The following TAB2 variants were observed in gnomAD, a reference collection of about 807,000 sequenced individuals.
The protein encoded by TAB2 is TGF-beta-activated kinase 1 and MAP3K7-binding protein 2.
A neutral mutation model predicts 65.0 loss-of-function variants in TAB2; 3 were observed. The observed-to-expected ratio is 0.05, with a 90% CI of 0.02 to 0.12. TAB2 has a LOEUF of 0.12. TAB2 is among the 10% of genes least tolerant of loss of function. The pLI is 1.00. For missense variants in TAB2, 623 were observed against 840.3 expected (o/e 0.74, Z 3.20); for synonymous variants, 298 against 285.1 (o/e 1.05, Z -0.46).
At chr6:149,224,516 C>T (rs1777224906) in intron 1 of TAB2, among the ~76,000 whole-genome samples, 1 of 152,186 alleles carries the variant, frequency 6.6e-6, no homozygotes, top group Non-Finnish European at 1.5e-5. Context: ...TCCTGTTATG[C>T]TTTGGCTCCT....
At chr6:149,266,468 G>A (rs1264256747) in intron 1 of TAB2, among the ~76,000 whole-genome samples, 1 of 152,196 alleles carries the variant, frequency 6.6e-6, no homozygotes, top group Non-Finnish European at 1.5e-5. Flanking sequence ...TGCTCACTGA[G>A]GGGCCCTTGA....
intron 1 of TAB2, among the ~76,000 whole-genome samples, chr6:149,354,425 G>A (rs909235752): frequency 6.6e-6 from 1 of 152,128 alleles, no homozygotes. Context: ...ACACTTTGAA[G>A]CATCTTCATT....
intron 2 of TAB2, among the ~76,000 whole-genome samples, chr6:149,376,886 TCC>T (rs58277096): frequency 7.0e-6 from 1 of 143,134 alleles, no homozygotes; most frequent in African/African-American, 2.6e-5. Context: ...AATCTGAGGT[TCC>T]CCCCCCCCAC....
chr6:149,306,394 T>TA (rs1456768387), intron 1 of TAB2, among the ~76,000 whole-genome samples: 1 of 145,860 alleles, frequency 6.9e-6, no homozygotes, highest in Non-Finnish European at 1.5e-5. Flanking sequence ...ATAAAAAATA[T>TA]AAAAAATTAG....
chr6:149,236,092 G>C (rs1583037268), intron 1 of TAB2, among the ~76,000 whole-genome samples: 1 of 152,200 alleles, frequency 6.6e-6, no homozygotes, highest in African/African-American at 2.4e-5. Context: ...GGGTGGGAGG[G>C]TGAGAGGGAG....
At chr6:149,389,362 C>A (rs1477543045) in intron 3 of TAB2, among the ~76,000 whole-genome samples, 1 of 151,878 alleles carries the variant, frequency 6.6e-6, no homozygotes, top group Non-Finnish European at 1.5e-5. Flanking sequence ...AATTGTAAAT[C>A]TGGCCAGGCA....
chr6:149,326,152 T>G (rs1340057133), intron 1 of TAB2, among the ~76,000 whole-genome samples: 1 of 152,008 alleles, frequency 6.6e-6, no homozygotes, highest in Non-Finnish European at 1.5e-5. Context: ...AAATATTGGT[T>G]ATACAAATAG....
At chr6:149,237,973 C>A (rs1314912966) in intron 1 of TAB2, among the ~76,000 whole-genome samples, 1 of 152,226 alleles carries the variant, frequency 6.6e-6, no homozygotes, top group African/African-American at 2.4e-5. Context: ...GTGTGCACCC[C>A]ACACTCAGCG....
rs964370456 is a variant in TAB2, at chr6:149,383,409, A to G, written c.1603+3891A>G. Among the ~76,000 whole-genome samples the G allele has an allele frequency of 5.3e-5, 8 of 152,262 alleles. No homozygotes were observed. In the South Asian group the frequency reaches 6.2e-4, roughly 12 times the overall value. On this transcript the variant is annotated intron_variant, in intron 3 of 6. Coordinates refer to ENST00000637181, the MANE Select transcript of TAB2 (RefSeq NM_001292034.3). ...CTTGATGGAGGTTAAAGCTCTAACA[A>G]CCTTTAAACATACCTACATACATAC... is the stretch of plus-strand genomic sequence containing the variant.
chr6:149,328,449 C>G (rs192076077), intron 1 of TAB2, among the ~76,000 whole-genome samples: 14 of 152,260 alleles, frequency 9.2e-5, no homozygotes, highest in Non-Finnish European at 8.8e-5. Context: ...CGTGCCACCA[C>G]GCCTGGCTAA....
chr6:149,317,300 C>T (rs1027553981), upstream of TAB2, among the ~76,000 whole-genome samples: 4 of 152,094 alleles, frequency 2.6e-5, no homozygotes, highest in Non-Finnish European at 5.9e-5. This position sits in a 1 kb window ranked among gnomAD's most constrained non-coding sequence, Gnocchi z 4.7. Flanking sequence ...ACCCCCCTCG[C>T]ACGGCCCCAG....
chr6:149,313,614 A>T (rs1779201397), upstream of TAB2, among the ~76,000 whole-genome samples: 4 of 152,310 alleles, frequency 2.6e-5, no homozygotes, highest in South Asian at 8.3e-4. Context: ...TCTCTTTAGC[A>T]TCTCAAACTG....
upstream of TAB2, among the ~76,000 whole-genome samples, chr6:149,316,952 C>T (rs1329540797): frequency 6.6e-6 from 1 of 151,802 alleles, no homozygotes; most frequent in African/African-American, 2.4e-5. Flanking sequence ...GATCCGGCTC[C>T]AAGGGGGTGT....
intron 2 of TAB2, among the ~76,000 whole-genome samples, chr6:149,375,662 GGAA>G (rs2114874311): frequency 6.6e-6 from 1 of 152,196 alleles, no homozygotes; most frequent in Admixed American, 6.5e-5. Flanking sequence ...TGGCTTAGAA[GGAA>G]GAAGAATTTA....
In TAB2 at chr6:149,255,395, A is replaced by G. The variant is rs1028393590; in HGVS notation, c.-121+36619A>G. The G allele has an allele frequency of 2.6e-5, 4 of 152,378 alleles. No homozygotes were observed. In the East Asian group the frequency reaches 5.8e-4, roughly 22 times the overall value. 9.4% of individuals were successfully genotyped at this position (152,378 alleles called of 1,614,324 possible). ...GAAACAAATAAAACATAATTACAAT[A>G]CAATCAAATATATGAAAAAGGAGTG... On this transcript the variant is annotated intron_variant, in intron 1 of 1. Coordinates refer to the TAB2 transcript ENST00000606202.
In TAB2 at chr6:149,258,012, G is replaced by A. The variant is rs111577901; in HGVS notation, c.-121+39236G>A. Among the ~76,000 whole-genome samples the A allele has an allele frequency of 3.5e-3, 530 of 152,286 alleles. 3 individuals carry two copies. Among genetic ancestry groups the A allele is most frequent in the African/African-American group, 0.012 (505 of 41,566 alleles). ...AAGTGTAGCTCCCCATCCAGTCCAC[G>A]CTACTATAGCAACTAGGGAAGTTGA... is the stretch of plus-strand genomic sequence containing the variant. On this transcript the variant is annotated intron_variant, in intron 1 of 1. Coordinates refer to the TAB2 transcript ENST00000606202.
chr6:149,396,188 T>C lies in TAB2; in HGVS notation c.1604-1416T>C, dbSNP rs1782160597. On this transcript the variant is annotated intron_variant, in intron 3 of 6. Coordinates refer to ENST00000637181, the MANE Select transcript of TAB2 (RefSeq NM_001292034.3). ...ATCCACCACCACGCCCGGCAACTTTTTGTATTTTTAGTAGAAACGAGGTTT... is the reference window on the plus strand; with the variant it reads ...ATCCACCACCACGCCCGGCAACTTTCTGTATTTTTAGTAGAAACGAGGTTT... Among the ~76,000 whole-genome samples, 3 of 152,230 alleles carry C rather than the reference T, an allele frequency of 2.0e-5. No homozygotes were observed. In the South Asian group the frequency reaches 6.2e-4, roughly 32 times the overall value.
In TAB2 at chr6:149,317,891, G is replaced by A. The variant is rs563339709; in HGVS notation, c.-214G>A. On this transcript the variant is annotated 5_prime_UTR_variant, in exon 1 of 7. Coordinates refer to ENST00000637181, the MANE Select transcript of TAB2 (RefSeq NM_001292034.3). This position sits in a 1 kb window ranked among gnomAD's most constrained non-coding sequence, Gnocchi z 4.7. ...GGTGTCCCCCCTGCCGGGTGGAACCGGAGGCGGCGGCGGCGCTGGCGGCGG... is the reference window on the plus strand; with the variant it reads ...GGTGTCCCCCCTGCCGGGTGGAACCAGAGGCGGCGGCGGCGCTGGCGGCGG... The A allele has an allele frequency of 3.0e-4, 51 of 172,820 alleles. No individual in the cohort carries two copies. In the East Asian group the frequency reaches 8.7e-3, roughly 29 times the overall value. 10.7% of individuals were successfully genotyped at this position (172,820 alleles called of 1,614,324 possible). A position where few individuals can be genotyped will look rare whatever the true frequency, so the allele number is the denominator to read the frequency against.
chr6:149,331,620 A>G (rs1779787734), intron 1 of TAB2, among the ~76,000 whole-genome samples: 1 of 152,168 alleles, frequency 6.6e-6, no homozygotes, highest in Non-Finnish European at 1.5e-5. Flanking sequence ...TCTTAGTGGA[A>G]AAGCATTCAG....
Sources: allele counts gnomAD v4.1 joint callset (sites outside exome capture counted in the v4.1 genomes callset), GRCh38; gene constraint gnomAD v4.1.1; non-coding constraint Gnocchi (gnomAD v3.1); transcripts MANE v1.5; gene names NCBI Gene and HGNC (gene_info 2026-07-23, HGNC 2026-07-21).